Variants in CADM2 observed in about 807,000 individuals in gnomAD.
The protein encoded by CADM2 is cell adhesion molecule 2.
CADM2 carries 12 observed loss-of-function variants against 49.8 expected under a neutral mutation model. The observed-to-expected ratio is 0.24, with a 90% CI of 0.15 to 0.39. CADM2 has a LOEUF of 0.39. CADM2 is among the 10% of genes least tolerant of loss of function. The pLI is 1.00. For synonymous variants in CADM2, 214 were observed against 175.4 expected, an observed-to-expected ratio of 1.22 and a Z score of -1.74; for missense variants, 378 against 492.3, an observed-to-expected ratio of 0.77 and a Z score of 2.20.
intron 1 of CADM2, among the ~76,000 whole-genome samples, chr3:85,091,460 A>C (rs976069279): frequency 6.6e-6 from 1 of 152,216 alleles, no homozygotes; most frequent in Non-Finnish European, 1.5e-5. Context: ...CGTGTAGAAA[A>C]CATTTCAAAT....
chr3:85,354,394 C>A (rs932016936), intron 1 of CADM2, among the ~76,000 whole-genome samples: 4 of 150,126 alleles, frequency 2.7e-5, no homozygotes, highest in Non-Finnish European at 5.9e-5. Context: ...AAGAGATACA[C>A]CTAATGCTAA....
At chr3:85,015,431 C>T (rs2034210541) in intron 1 of CADM2, among the ~76,000 whole-genome samples, 1 of 152,150 alleles carries the variant, frequency 6.6e-6, no homozygotes, top group South Asian at 2.1e-4. Flanking sequence ...AGTTTCAATG[C>T]ATCTCAATTA....
intron 1 of CADM2, among the ~76,000 whole-genome samples, chr3:85,027,395 G>A (rs1472932461): frequency 6.6e-6 from 1 of 151,858 alleles, no homozygotes; most frequent in Non-Finnish European, 1.5e-5. Context: ...ACAGGCGTAA[G>A]CCACCGCGCC....
At chr3:85,793,307 G>A (rs953860313) in intron 2 of CADM2, among the ~76,000 whole-genome samples, 1 of 152,140 alleles carries the variant, frequency 6.6e-6, no homozygotes, top group Non-Finnish European at 1.5e-5. Flanking sequence ...AACCACTGGT[G>A]TTAGTTAGAG....
chr3:85,239,723 A>T (rs1486328725), intron 1 of CADM2, among the ~76,000 whole-genome samples: 1 of 151,362 alleles, frequency 6.6e-6, no homozygotes, highest in Non-Finnish European at 1.5e-5. Context: ...TTAAAAATAG[A>T]TGCTGATTTG....
chr3:85,186,201 T>G (rs2041059249), intron 1 of CADM2, among the ~76,000 whole-genome samples: 1 of 152,194 alleles, frequency 6.6e-6, no homozygotes, highest in Non-Finnish European at 1.5e-5. Context: ...TATTTTCTTT[T>G]CTTGCCTTTC....
intron 1 of CADM2, among the ~76,000 whole-genome samples, chr3:85,184,505 A>T (rs1474849990): frequency 6.6e-6 from 1 of 152,130 alleles, no homozygotes. Flanking sequence ...CTGAATTTCT[A>T]CTATGTGCAA....
intron 1 of CADM2, among the ~76,000 whole-genome samples, chr3:85,159,017 TAA>T (rs1208998745): frequency 3.3e-5 from 5 of 152,156 alleles, no homozygotes; most frequent in Non-Finnish European, 5.9e-5. Context: ...GAAGAAGTTA[TAA>T]GTTTTAAAAC....
intron 1 of CADM2, among the ~76,000 whole-genome samples, chr3:85,285,349 G>A (rs953577682): frequency 3.3e-5 from 5 of 151,996 alleles, no homozygotes; most frequent in Admixed American, 6.6e-5. Context: ...GTCGAGTATC[G>A]ATAGGTAGTT....
intron 2 of CADM2, among the ~76,000 whole-genome samples, chr3:85,734,266 T>G (rs1485753745): frequency 6.6e-6 from 1 of 152,030 alleles, no homozygotes; most frequent in Non-Finnish European, 1.5e-5. Context: ...GCATCACTCT[T>G]TGGGGACACT....
At chr3:85,379,569 GCTTTAATGATAT>G (rs372549399) in intron 1 of CADM2, among the ~76,000 whole-genome samples, 6 of 151,712 alleles carry the variant, frequency 4.0e-5, no homozygotes, top group African/African-American at 1.5e-4. Context: ...TTTTCCTCTT[GCTTTAATGATAT>G]CAGCTGTATA....
chr3:85,730,879 A>T (rs1262995396), intron 2 of CADM2, among the ~76,000 whole-genome samples: 1 of 152,156 alleles, frequency 6.6e-6, no homozygotes, highest in Non-Finnish European at 1.5e-5. Context: ...GCTTTTAGAT[A>T]TTATTTTCAA....
At chr3:85,529,857 T>G (rs943888099) in intron 1 of CADM2, among the ~76,000 whole-genome samples, 1 of 152,138 alleles carries the variant, frequency 6.6e-6, no homozygotes, top group Non-Finnish European at 1.5e-5. Context: ...CTAGAGACAT[T>G]CTTTCTGAAT....
At chr3:85,985,286 C>G (rs1242072935) in intron 8 of CADM2, among the ~76,000 whole-genome samples, 1 of 151,922 alleles carries the variant, frequency 6.6e-6, no homozygotes, top group Non-Finnish European at 1.5e-5. Flanking sequence ...GAGCAGCTCT[C>G]TGGAGCCTCT....
intron 2 of CADM2, among the ~76,000 whole-genome samples, chr3:85,732,068 TGAAAACCC>T (rs2067955402): frequency 8.4e-6 from 1 of 119,528 alleles, no homozygotes; most frequent in Admixed American, 9.8e-5. Context: ...GCCAACATGG[TGAAAACCC>T]ATCTCTACTA....
At position 85,802,920 on chromosome 3, in the gene CADM2, A is replaced by G. The variant is rs1014775333; in HGVS notation, c.238+724A>G. On this transcript the variant is annotated intron_variant, in intron 3 of 9. Coordinates refer to ENST00000383699, the MANE Select transcript of CADM2 (RefSeq NM_001167675.2). ...TGAAAATATGAGACTGTTGCTTAAG[A>G]TACATGTATATTATATAGGATATAA... Among the ~76,000 whole-genome samples, 13 of 152,150 alleles carry G rather than the reference A, an allele frequency of 8.5e-5. No homozygotes were observed. In the East Asian group the frequency reaches 2.5e-3, roughly 29 times the overall value.
At chr3:85,961,907 C>T (rs114513475) in intron 8 of CADM2, among the ~76,000 whole-genome samples, 6,190 of 151,544 alleles carry the variant, frequency 0.041, 418 homozygotes, top group African/African-American at 0.14. Flanking sequence ...CATGTTGGCT[C>T]GTAAACTATA....
At chr3:85,944,099 C>T (rs1019118672) in intron 7 of CADM2, among the ~76,000 whole-genome samples, 12 of 151,634 alleles carry the variant, frequency 7.9e-5, no homozygotes, top group Non-Finnish European at 8.8e-5. Context: ...AAATGAAAAA[C>T]GAAAAATGGC....
intron 1 of CADM2, among the ~76,000 whole-genome samples, chr3:85,725,645 A>G (rs2067669278): frequency 6.6e-6 from 1 of 152,124 alleles, no homozygotes; most frequent in South Asian, 2.1e-4. Flanking sequence ...GGACTGTTCT[A>G]ATTTTCTTGT....
Sources: gnomAD v4.1 joint callset for allele counts (sites outside exome capture counted in the v4.1 genomes callset) on GRCh38, gnomAD v4.1.1 for gene constraint, MANE v1.5 for transcripts, NCBI Gene and HGNC (gene_info 2026-07-23, HGNC 2026-07-21) for gene names.